The following EPG5 variants were observed in gnomAD, a reference collection of about 807,000 sequenced individuals.
EPG5 encodes ectopic P-granules 5 autophagy tethering factor.
EPG5 carries 159 observed loss-of-function variants against 302.7 expected under a neutral mutation model. That is an observed-to-expected ratio of 0.53 (90% CI 0.46 to 0.60). The LOEUF (loss-of-function observed/expected upper bound fraction) is 0.60. Among genes scored for constraint, EPG5 ranks in the 20% least tolerant of loss-of-function variants. The pLI, the probability that EPG5 is intolerant of heterozygous loss-of-function variation, is 0.00. For synonymous variants in EPG5, 1,158 were observed against 1,136.8 expected (o/e 1.02, Z -0.37); for missense variants, 2,896 against 3,092.4 (o/e 0.94, Z 1.51).
chr18:45,866,939 C>A lies in EPG5; in HGVS notation c.6480G>T (p.Ser2160=). 1 of 1,614,108 alleles carries A rather than the reference C, an allele frequency of 6.2e-7. No individual in the cohort carries two copies. The highest frequency in any genetic ancestry group is 8.5e-7 in the Non-Finnish European group (1 of 1,179,978). The part of the protein sequence containing the change: ...SLSWHLVDIV[S]YQSVLSYFSS... ...TGAAATAACTTAGCACACTCTGGTA[C>A]GACACAATATCCACAAGATGCCATG... The change falls in exon 38 of 44, where the codon TCG becomes TCT. Residue 2160 remains serine (S), a synonymous_variant. Coordinates refer to ENST00000282041, the MANE Select transcript of EPG5 (RefSeq NM_020964.3).
chr18:45,822,327 G>A, the EPG5 span, among the ~76,000 whole-genome samples: 1 of 152,162 alleles, frequency 6.6e-6, no homozygotes. Flanking sequence ...CTCGTATGCA[G>A]AAGATTAAAA....
Position 45,911,924 on chromosome 18 carries a change from G to A in EPG5, c.3983+366C>T, listed in dbSNP as rs116465983. ...GACAAAGCCTGGCCTTTGTTCACAC[G>A]CGCACCACTCATCACAAGGTCCCCT... On this transcript the variant is annotated intron_variant, in intron 22 of 43. Coordinates refer to ENST00000282041, the MANE Select transcript of EPG5 (RefSeq NM_020964.3). Among the ~76,000 whole-genome samples, 981 of 152,110 alleles carry A rather than the reference G, an allele frequency of 6.4e-3. 4 individuals are homozygous for A. Among genetic ancestry groups the A allele is most frequent in the African/African-American group, 0.018 (738 of 41,462 alleles).
chr18:45,854,515 A>T (rs1453859842), intron 43 of EPG5, among the ~76,000 whole-genome samples: 2 of 152,212 alleles, frequency 1.3e-5, no homozygotes, highest in Non-Finnish European at 2.9e-5. Flanking sequence ...GGGACAAATT[A>T]CTTAGCCTTT....
Position 45,922,436 on chromosome 18 carries a change from T to C in EPG5, c.3003A>G (p.Thr1001=). The C allele has an allele frequency of 6.2e-7, 1 of 1,614,236 alleles. No individual in the cohort carries two copies. The highest frequency in any genetic ancestry group is 8.5e-7 in the Non-Finnish European group (1 of 1,180,042). The change falls in exon 16 of 44, where the codon ACA becomes ACG. Residue 1001 remains threonine (T), a synonymous_variant. Coordinates refer to ENST00000282041, the MANE Select transcript of EPG5 (RefSeq NM_020964.3). ...VPFSVTVPDM[T]ESPTFHPLLK... ...AGAGAGGATGAAACGTGGGTGACTC[T>C]GTCATGTCAGGCACAGTGACGGAGA...
chr18:45,834,012 C>T, the EPG5 span, among the ~76,000 whole-genome samples: 12 of 152,190 alleles, frequency 7.9e-5, no homozygotes, highest in African/African-American at 2.9e-4. Flanking sequence ...GCTCTGGCCT[C>T]ATTACGCCTT....
chr18:45,925,761 GT>G lies in EPG5; in HGVS notation c.2694del (p.Leu899Ter). On this transcript the variant is annotated frameshift_variant, in exon 14 of 44. Transcript: ENST00000282041. LOFTEE classifies it high-confidence loss of function. Reference sequence around the variant, plus strand: ...ACCTGTTTAGCAAATCCCCAATTCAGTCCTTCAAGAATAACACAGGCCAGTT... The same window carrying G: ...ACCTGTTTAGCAAATCCCCAATTCAGCCTTCAAGAATAACACAGGCCAGTT... The part of the protein sequence containing the change: ...KNKLACVILE[G>X]LNWGFAKQAT... The G allele has an allele frequency of 6.4e-7, 1 of 1,557,238 alleles. No homozygotes were observed. The highest frequency in any genetic ancestry group is 8.6e-7 in the Non-Finnish European group (1 of 1,157,652).
At position 45,955,191 on chromosome 18, in the gene EPG5, C is replaced by T. The variant is rs748153409; in HGVS notation, c.211G>A (p.Asp71Asn). The T allele has an allele frequency of 3.1e-6, 5 of 1,614,200 alleles. No homozygotes were observed. Among genetic ancestry groups the T allele is most frequent in the Non-Finnish European group, 4.2e-6 (5 of 1,180,038 alleles). ...TCACTCTCATTTTGTCCACTGGCAT[C>T]ATCCTGGAGCTGGGAATCAGTTACC... The part of the protein sequence containing the change: ...KVVTDSQLQD[D>N]ASGQNESEMF... The change falls in exon 2 of 44, where the codon GAT becomes AAT. Residue 71 changes from aspartate to asparagine, a missense_variant. Physicochemically the swap from Asp to Asn is conservative, Grantham distance 23 (BLOSUM62 1). Coordinates refer to ENST00000282041, the MANE Select transcript of EPG5 (RefSeq NM_020964.3).
At position 45,944,133 on chromosome 18, in the gene EPG5, C is replaced by T. The variant is rs778892890; in HGVS notation, c.1678-14G>A. The T allele has an allele frequency of 3.3e-6, 5 of 1,523,854 alleles. No individual in the cohort carries two copies. The highest frequency in any genetic ancestry group is 2.2e-5 in the East Asian group (1 of 44,476). 94.4% of individuals were successfully genotyped at this position (1,523,854 alleles called of 1,614,324 possible). The stretch of plus-strand genomic sequence containing the variant: ...AGGGTCTTCATCCTAAGGGAAAAGA[C>T]AAAAAATCATGTCAGCAGATTTGAT... On this transcript the variant is annotated splice_polypyrimidine_tract_variant and intron_variant, in intron 7 of 43. Coordinates refer to ENST00000282041, the MANE Select transcript of EPG5 (RefSeq NM_020964.3).
chr18:45,816,861 C>T, the EPG5 span, among the ~76,000 whole-genome samples: 526 of 152,268 alleles, frequency 3.5e-3, 4 homozygotes, highest in African/African-American at 0.012. Context: ...AACGTGGAAC[C>T]AATCCAAATG....
the EPG5 span, among the ~76,000 whole-genome samples, chr18:45,821,235 T>C: frequency 6.6e-6 from 1 of 152,254 alleles, no homozygotes; most frequent in Non-Finnish European, 1.5e-5. Flanking sequence ...AACATGTGTT[T>C]CCTGTGCTCT....
intron 9 of EPG5, among the ~76,000 whole-genome samples, chr18:45,942,508 C>T (rs1464036927): frequency 6.6e-6 from 1 of 151,460 alleles, no homozygotes; most frequent in African/African-American, 2.4e-5. Context: ...GAGGCTGAGG[C>T]ACAAGAATTG....
intron 35 of EPG5, among the ~76,000 whole-genome samples, chr18:45,872,485 C>G (rs2048892030): frequency 6.6e-6 from 1 of 152,182 alleles, no homozygotes; most frequent in African/African-American, 2.4e-5. Flanking sequence ...AGGCAGATCA[C>G]TTTAGGTCAG....
At chr18:45,811,547 A>T in the EPG5 span, among the ~76,000 whole-genome samples, 1 of 152,236 alleles carries the variant, frequency 6.6e-6, no homozygotes, top group Non-Finnish European at 1.5e-5. Context: ...ATCCAGCAGC[A>T]CATCAAAAAG....
At chr18:45,827,345 C>G in the EPG5 span, among the ~76,000 whole-genome samples, 1 of 152,044 alleles carries the variant, frequency 6.6e-6, no homozygotes, top group Non-Finnish European at 1.5e-5. Context: ...TTGGCTGGGC[C>G]CCCCCACTAC....
rs1228161379 is a variant in EPG5 at position 45,849,451 on chromosome 18, A to G, written c.*3016T>C. 1 of 152,224 alleles carries G rather than the reference A, an allele frequency of 6.6e-6. No homozygotes were observed. The highest frequency in any genetic ancestry group is 2.4e-5 in the African/African-American group (1 of 41,448). 9.4% of individuals were successfully genotyped at this position (152,224 alleles called of 1,614,324 possible). ...ATGACCCTTCTGACTGTAAAAGTCT[A>G]CGATTCCAGGACATTTGCTTCCTGC... On this transcript the variant is annotated 3_prime_UTR_variant, in exon 44 of 44. Coordinates refer to ENST00000282041, the MANE Select transcript of EPG5 (RefSeq NM_020964.3).
intron 39 of EPG5, among the ~76,000 whole-genome samples, chr18:45,864,601 G>C (rs1013274935): frequency 6.6e-6 from 1 of 151,988 alleles, no homozygotes; most frequent in Admixed American, 6.6e-5. Context: ...CCTGTGTTTT[G>C]TGACTTTTTT....
chr18:45,954,564 C>CA lies in EPG5; in HGVS notation c.837dup (p.Asp280Ter), dbSNP rs1568187258. The stretch of plus-strand genomic sequence containing the variant: ...TGCCTGTCTTGATGAGCCATGCTGT[C>CA]AAATTCTTCTAAATATGACTCAACA... On this transcript the variant is annotated frameshift_variant, in exon 2 of 44. Coordinates refer to ENST00000282041, the MANE Select transcript of EPG5 (RefSeq NM_020964.3). LOFTEE classifies it high-confidence loss of function. The CA allele has an allele frequency of 6.2e-7, 1 of 1,614,232 alleles. No individual in the cohort carries two copies. The highest frequency in any genetic ancestry group is 1.7e-5 in the Admixed American group (1 of 60,020).
chr18:45,922,402 C>A lies in EPG5; in HGVS notation c.3037G>T (p.Val1013Leu). 6.2e-7 allele frequency: 1 copy of A among 1,614,222 alleles called. No homozygotes were observed. Among genetic ancestry groups the A allele is most frequent in the Non-Finnish European group, 8.5e-7 (1 of 1,180,042 alleles). Reference sequence around the variant, plus strand: ...CAGCCAATGGGCATGCCCGCTTTCACAGCCTTCAAGAGAGGATGAAACGTG... The same window carrying A: ...CAGCCAATGGGCATGCCCGCTTTCAAAGCCTTCAAGAGAGGATGAAACGTG... ...SPTFHPLLKA[V>L]KAGMPIGCYL... Residue 1013 changes from valine to leucine, a missense_variant, in exon 16 of 44, where the codon GTG (valine) becomes TTG (leucine). Around this residue, in one of 5 missense-constraint regions of EPG5, gnomAD observed 1,390 missense variants for 1,430.0 expected, o/e 0.97. Coordinates refer to ENST00000282041, the MANE Select transcript of EPG5 (RefSeq NM_020964.3).
intron 13 of EPG5, among the ~76,000 whole-genome samples, chr18:45,928,553 A>G: frequency 6.6e-6 from 1 of 152,368 alleles, no homozygotes; most frequent in East Asian, 1.9e-4. Context: ...TATAAAAACT[A>G]TGAAAGCCAA....
Sources: allele counts gnomAD v4.1 joint callset (sites outside exome capture counted in the v4.1 genomes callset), GRCh38; gene constraint gnomAD v4.1.1; regional missense constraint gnomAD v4.1.1; transcripts MANE v1.5; gene names NCBI Gene and HGNC (gene_info 2026-07-23, HGNC 2026-07-21).